The following TBC1D22A variants were observed in gnomAD, a reference collection of about 807,000 sequenced individuals.
TBC1D22A encodes TBC1 domain family member 22A.
Under a neutral mutation model 60.2 loss-of-function variants are expected in TBC1D22A, and 38 were observed. The observed-to-expected ratio is 0.63, with a 90% CI of 0.49 to 0.83. TBC1D22A has a LOEUF of 0.83. Ranked by LOEUF, TBC1D22A falls within the 40% of genes least tolerant of loss-of-function variation. The pLI is 0.00. For synonymous variants in TBC1D22A, 302 were observed against 281.7 expected (o/e 1.07, Z -0.72); for missense variants, 628 against 701.0 (o/e 0.90, Z 1.18).
At chr22:47,008,599 T>G (rs1007701891) in intron 10 of TBC1D22A, among the ~76,000 whole-genome samples, 4 of 152,214 alleles carry the variant, frequency 2.6e-5, no homozygotes, top group Non-Finnish European at 5.9e-5. Context: ...AACCCTGACC[T>G]GGTCCGTATC....
chr22:47,125,470 C>T (rs1049666953), intron 12 of TBC1D22A, among the ~76,000 whole-genome samples: 1 of 152,172 alleles, frequency 6.6e-6, no homozygotes, highest in South Asian at 2.1e-4. Flanking sequence ...TTAAATTATA[C>T]CCCTCATTAT....
chr22:47,075,399 T>C (rs1378764329), intron 11 of TBC1D22A, among the ~76,000 whole-genome samples: 2 of 151,978 alleles, frequency 1.3e-5, no homozygotes, highest in Non-Finnish European at 2.9e-5. Flanking sequence ...AAACAGACTT[T>C]CAGCCAGGTG....
At chr22:47,008,042 A>T (rs903846672) in intron 10 of TBC1D22A, among the ~76,000 whole-genome samples, 4 of 152,168 alleles carry the variant, frequency 2.6e-5, no homozygotes, top group African/African-American at 9.7e-5. Context: ...ACATTTTCCA[A>T]ATCAAAATAA....
At position 47,108,845 on chromosome 22, in the gene TBC1D22A, G is replaced by A. The variant is rs142820485; in HGVS notation, c.1330-2663G>A. The stretch of plus-strand genomic sequence containing the variant: ...CGAGTAGCTGGGACTACAGGCACCC[G>A]CCACCATGCCCAGCTAATTTTTTGT... On this transcript the variant is annotated intron_variant, in intron 11 of 12. Coordinates refer to ENST00000337137, the MANE Select transcript of TBC1D22A (RefSeq NM_014346.5). Among the ~76,000 whole-genome samples the A allele has an allele frequency of 6.6e-3, 1,008 of 152,212 alleles. 13 individuals are homozygous for A. The highest frequency in any genetic ancestry group is 0.023 in the African/African-American group (950 of 41,544).
chr22:46,899,751 AC>A lies in TBC1D22A; in HGVS notation c.900+4906del, dbSNP rs1341056861. On this transcript the variant is annotated intron_variant, in intron 7 of 12. Transcript: ENST00000337137. Reference sequence around the variant, plus strand: ...CGTGGGTAGAGAATGCCATACCCCCACTTTAAAGATGTGTCCCAGCAGCTGC... The same window carrying A: ...CGTGGGTAGAGAATGCCATACCCCCATTTAAAGATGTGTCCCAGCAGCTGC... Among the ~76,000 whole-genome samples, 5 of 152,038 alleles carry A rather than the reference AC, an allele frequency of 3.3e-5. No individual in the cohort carries two copies. The East Asian group carries it at 9.7e-4, about 30-fold the overall frequency.
chr22:47,158,823 C>T (rs988842205), intron 12 of TBC1D22A, among the ~76,000 whole-genome samples: 1 of 152,102 alleles, frequency 6.6e-6, no homozygotes, highest in African/African-American at 2.4e-5. Flanking sequence ...CAGCCACCAG[C>T]CAGGGCAGGA....
intron 12 of TBC1D22A, among the ~76,000 whole-genome samples, chr22:47,117,857 T>C (rs1017460484): frequency 7.9e-5 from 12 of 152,236 alleles, no homozygotes; most frequent in African/African-American, 2.9e-4. Flanking sequence ...GCACGATGGC[T>C]CTTGCCTGTA....
chr22:47,126,447 A>G (rs551646794), intron 12 of TBC1D22A, among the ~76,000 whole-genome samples: 141 of 152,316 alleles, frequency 9.3e-4, no homozygotes, highest in African/African-American at 3.1e-3. Flanking sequence ...TGCGGCCAGC[A>G]GTACGTAGGC....
At chr22:46,935,397 C>G (rs140501365) in intron 8 of TBC1D22A, among the ~76,000 whole-genome samples, 2 of 152,312 alleles carry the variant, frequency 1.3e-5, no homozygotes, top group African/African-American at 4.8e-5. Flanking sequence ...CTGAAGTTGC[C>G]TCTGGGTTAC....
At chr22:47,168,681 C>T (rs1389556534) in intron 12 of TBC1D22A, among the ~76,000 whole-genome samples, 1 of 146,168 alleles carries the variant, frequency 6.8e-6, no homozygotes. Context: ...TGCAGTCAAC[C>T]ACCCACCCAC....
intron 8 of TBC1D22A, chr22:46,915,003 G>A (rs73888467): frequency 0.021 from 4,489 of 214,356 alleles, 214 homozygotes; most frequent in African/African-American, 0.096. Flanking sequence ...GATTGAGGCC[G>A]GGCATTCAGA....
chr22:47,139,608 A>C (rs1210809743), intron 12 of TBC1D22A, among the ~76,000 whole-genome samples: 1 of 152,172 alleles, frequency 6.6e-6, no homozygotes, highest in Non-Finnish European at 1.5e-5. Context: ...GCCCACTGGG[A>C]CAGGAGAGGG....
intron 10 of TBC1D22A, among the ~76,000 whole-genome samples, chr22:47,018,648 A>T (rs532492124): frequency 2.0e-4 from 31 of 152,194 alleles, no homozygotes; most frequent in African/African-American, 7.5e-4. Flanking sequence ...CATTAAGAAC[A>T]TCAGGCTTAG....
chr22:47,161,029 C>T (rs2067962851), intron 12 of TBC1D22A, among the ~76,000 whole-genome samples: 2 of 152,190 alleles, frequency 1.3e-5, no homozygotes, highest in South Asian at 2.1e-4. Flanking sequence ...AGAAGGGGGG[C>T]AGCCCACCTG....
At chr22:46,960,793 A>T (rs1205523717) in intron 8 of TBC1D22A, among the ~76,000 whole-genome samples, 2 of 151,930 alleles carry the variant, frequency 1.3e-5, no homozygotes, top group Non-Finnish European at 2.9e-5. Flanking sequence ...AAAAAATACA[A>T]AAAATTAGCC....
intron 5 of TBC1D22A, among the ~76,000 whole-genome samples, chr22:46,881,786 G>C (rs1346231327): frequency 6.6e-6 from 1 of 152,160 alleles, no homozygotes; most frequent in Non-Finnish European, 1.5e-5. Context: ...TCTTTTTCCG[G>C]GAACAAGTGC....
In TBC1D22A at chr22:47,101,052, G is replaced by T. The variant is rs144359555; in HGVS notation, c.1330-10456G>T. On this transcript the variant is annotated intron_variant, in intron 11 of 12. Transcript: ENST00000337137. ...GCATGGCACTCCCGGGAGCCCTTGG[G>T]TATTGTGCTTCAGTGTGGCCCCAGC... 3.1e-4 allele frequency among the ~76,000 whole-genome samples: 47 copies of T among 152,294 alleles called. 1 individual carries two copies. In the East Asian group the frequency reaches 6.6e-3, roughly 21 times the overall value.
At chr22:46,961,352 C>T (rs2073493914) in intron 8 of TBC1D22A, among the ~76,000 whole-genome samples, 2 of 152,196 alleles carry the variant, frequency 1.3e-5, no homozygotes, top group African/African-American at 2.4e-5. Flanking sequence ...GCTGTAGATT[C>T]ACACCTAAGT....
At chr22:47,120,388 C>T (rs927137198) in intron 12 of TBC1D22A, among the ~76,000 whole-genome samples, 18 of 152,204 alleles carry the variant, frequency 1.2e-4, no homozygotes, top group Non-Finnish European at 1.8e-4. Flanking sequence ...TCAGCGAAGG[C>T]TCCTTGTCCT....
Sources: gnomAD v4.1 joint callset for allele counts (sites outside exome capture counted in the v4.1 genomes callset) on GRCh38, gnomAD v4.1.1 for gene constraint, MANE v1.5 for transcripts, NCBI Gene and HGNC (gene_info 2026-07-23, HGNC 2026-07-21) for gene names.